Variants in PCDH15 observed in about 807,000 individuals in gnomAD.
PCDH15 encodes the protein protocadherin related 15.
In PCDH15, 129 loss-of-function variants were observed where a neutral mutation model predicts 178.5. That is an observed-to-expected ratio of 0.72 (90% CI 0.63 to 0.84). The LOEUF is 0.84. Among genes scored for constraint, PCDH15 ranks in the 40% least tolerant of loss-of-function variants. The pLI is 0.00. For missense variants in PCDH15, 2,230 were observed against 2,099.9 expected (o/e 1.06, Z -1.21); for synonymous variants, 800 against 732.0 (o/e 1.09, Z -1.50).
chr10:55,492,871 T>C (rs1840449415), intron 2 of PCDH15, among the ~76,000 whole-genome samples: 1 of 151,426 alleles, frequency 6.6e-6, no homozygotes, highest in South Asian at 2.1e-4. Flanking sequence ...GAGAGGAAAA[T>C]TATAAAAAAG....
intron 21 of PCDH15, among the ~76,000 whole-genome samples, chr10:53,991,124 C>G (rs1274998496): frequency 3.3e-5 from 5 of 152,138 alleles, no homozygotes; most frequent in Admixed American, 3.3e-4. Context: ...CAGCCCGAGT[C>G]TCCCCAACAG....
chr10:54,908,152 T>C (rs1954758143), intron 2 of PCDH15, among the ~76,000 whole-genome samples: 1 of 152,212 alleles, frequency 6.6e-6, no homozygotes, highest in Admixed American at 6.6e-5. Flanking sequence ...CCTGGCAGGC[T>C]GTGCTCAACT....
chr10:54,679,554 T>C (rs1283034613), intron 1 of PCDH15, among the ~76,000 whole-genome samples: 1 of 152,194 alleles, frequency 6.6e-6, no homozygotes, highest in Non-Finnish European at 1.5e-5. Context: ...GAGCATAAGC[T>C]ATTCCAACTG....
At chr10:54,320,118 T>G (rs1591782433) in intron 7 of PCDH15, among the ~76,000 whole-genome samples, 1 of 152,114 alleles carries the variant, frequency 6.6e-6, no homozygotes, top group African/African-American at 2.4e-5. Flanking sequence ...TAAAGACATT[T>G]GAGATTCAAC....
chr10:54,721,456 A>G (rs549889164), intron 1 of PCDH15, among the ~76,000 whole-genome samples: 1 of 152,062 alleles, frequency 6.6e-6, no homozygotes, highest in South Asian at 2.1e-4. Flanking sequence ...TTGAAAGGAT[A>G]AACAAAATTG....
At chr10:55,589,020 G>A (rs1440778507) in intron 2 of PCDH15, among the ~76,000 whole-genome samples, 2 of 146,236 alleles carry the variant, frequency 1.4e-5, no homozygotes, top group Non-Finnish European at 3.0e-5. Context: ...GGTGGAGGTT[G>A]CAGTGAGCCA....
intron 2 of PCDH15, among the ~76,000 whole-genome samples, chr10:55,077,515 C>T (rs1466953302): frequency 2.2e-5 from 3 of 137,856 alleles, no homozygotes; most frequent in Admixed American, 8.3e-5. Flanking sequence ...TCCTTCCTTC[C>T]TTCTTTCCTT....
chr10:55,123,039 T>C (rs888828126), intron 2 of PCDH15, among the ~76,000 whole-genome samples: 2 of 152,026 alleles, frequency 1.3e-5, no homozygotes, highest in Non-Finnish European at 2.9e-5. Flanking sequence ...AGAGAGAAAA[T>C]GCTTATGGCA....
At chr10:54,594,454 A>T (rs2092087280) in intron 2 of PCDH15, among the ~76,000 whole-genome samples, 2 of 152,018 alleles carry the variant, frequency 1.3e-5, no homozygotes, top group Admixed American at 6.6e-5. Context: ...GCCTGCCTGT[A>T]CCTGCTAGCA....
chr10:54,044,019 C>T (rs1158970049), intron 18 of PCDH15, among the ~76,000 whole-genome samples: 2 of 151,980 alleles, frequency 1.3e-5, no homozygotes, highest in African/African-American at 2.4e-5. Context: ...TCTAACTGTC[C>T]CTGCTATGAG....
In PCDH15 at chr10:55,348,343, T is replaced by A. The variant is rs185682029; in HGVS notation, c.-155-181692A>T. ...AATATATTGGAGAGTGTTGGTCCTG[T>A]TACGTGTGTTTGAAATAACACACAA... On this transcript the variant is annotated intron_variant, in intron 2 of 5. Coordinates refer to the PCDH15 transcript ENST00000613346. Among the ~76,000 whole-genome samples the A allele has an allele frequency of 8.3e-4, 126 of 152,254 alleles. No individual in the cohort carries two copies. In the Middle Eastern group the frequency reaches 0.01, roughly 12 times the overall value.
At chr10:54,150,719 C>T (rs181187915) in intron 14 of PCDH15, among the ~76,000 whole-genome samples, 1 of 151,898 alleles carries the variant, frequency 6.6e-6, no homozygotes, top group Non-Finnish European at 1.5e-5. Context: ...GTTTATAATA[C>T]ATTCATGTCT....
At chr10:54,252,232 T>A (rs2132112160) in intron 8 of PCDH15, among the ~76,000 whole-genome samples, 1 of 152,286 alleles carries the variant, frequency 6.6e-6, no homozygotes, top group East Asian at 1.9e-4. Flanking sequence ...CAACTTGTCA[T>A]CCCTTTTTGC....
At chr10:54,134,216 G>A (rs1259250773) in intron 14 of PCDH15, among the ~76,000 whole-genome samples, 3 of 131,808 alleles carry the variant, frequency 2.3e-5, no homozygotes, top group African/African-American at 7.8e-5. Context: ...GCTAATTTTT[G>A]TATTTTCAGT....
At chr10:54,501,457 A>G (rs978333085) in intron 3 of PCDH15, among the ~76,000 whole-genome samples, 1 of 152,188 alleles carries the variant, frequency 6.6e-6, no homozygotes, top group Non-Finnish European at 1.5e-5. Flanking sequence ...TAAACACCAC[A>G]TTATTCCATC....
intron 1 of PCDH15, among the ~76,000 whole-genome samples, chr10:55,234,526 C>T (rs1436167116): frequency 6.6e-6 from 1 of 151,706 alleles, no homozygotes; most frequent in African/African-American, 2.4e-5. Flanking sequence ...ACCTCAGCCT[C>T]CCAACTAATT....
chr10:53,857,399 T>C (rs527323403), intron 27 of PCDH15, 136 bp from the exon 28 acceptor site: 6 of 532,802 alleles, frequency 1.1e-5, no homozygotes, highest in South Asian at 8.9e-5. Context: ...AACAAATATA[T>C]ATACATTTTT....
intron 2 of PCDH15, among the ~76,000 whole-genome samples, chr10:55,611,384 C>A (rs571905642): frequency 6.6e-6 from 1 of 152,050 alleles, no homozygotes; most frequent in African/African-American, 2.4e-5. Context: ...AGAAGACATA[C>A]AAATGGCCAG....
intron 8 of PCDH15, among the ~76,000 whole-genome samples, chr10:54,278,398 G>T (rs1237832472): frequency 6.6e-6 from 1 of 151,400 alleles, no homozygotes. Flanking sequence ...TAGCCATAAC[G>T]CTTTAATAAC....
Sources: allele counts gnomAD v4.1 joint callset (sites outside exome capture counted in the v4.1 genomes callset), GRCh38; gene constraint gnomAD v4.1.1; transcripts MANE v1.5; gene names NCBI Gene and HGNC (gene_info 2026-07-23, HGNC 2026-07-21).